Variants in KIF9 observed in about 807,000 individuals in gnomAD.
The protein encoded by KIF9 is kinesin family member 9, also known as kinesin-like protein KIF9.
KIF9 carries 68 observed loss-of-function variants against 94.8 expected under a neutral mutation model. The ratio of observed to expected loss-of-function variants is 0.72; its 90% CI spans 0.59 to 0.88. The LOEUF is 0.88. KIF9 is among the 40% of genes least tolerant of loss of function. KIF9 has a pLI of 0.00. For synonymous variants in KIF9, 343 were observed against 362.1 expected, an observed-to-expected ratio of 0.95 and a Z score of 0.60; for missense variants, 882 against 982.5, an observed-to-expected ratio of 0.90 and a Z score of 1.37.
intron 16 of KIF9, among the ~76,000 whole-genome samples, chr3:47,242,277 G>A (rs2107180698): frequency 6.6e-6 from 1 of 152,242 alleles, no homozygotes; most frequent in Admixed American, 6.5e-5. Flanking sequence ...AAAACCCTTT[G>A]AGAACTCTGG....
chr3:47,279,020 C>T (rs575999750), intron 1 of KIF9, among the ~76,000 whole-genome samples: 5 of 151,724 alleles, frequency 3.3e-5, no homozygotes, highest in African/African-American at 7.2e-5. Context: ...AATTACCAAG[C>T]ATGGTGGTGC....
intron 20 of KIF9, among the ~76,000 whole-genome samples, chr3:47,232,434 G>A (rs979053380): frequency 2.6e-5 from 4 of 151,748 alleles, no homozygotes; most frequent in South Asian, 2.1e-4. Flanking sequence ...ACAGGCATGC[G>A]TCACCACACC....
intron 1 of KIF9, among the ~76,000 whole-genome samples, chr3:47,278,383 A>T (rs879701966): frequency 2.0e-4 from 30 of 152,088 alleles, no homozygotes; most frequent in Non-Finnish European, 4.1e-4. Flanking sequence ...AATATTTTTT[A>T]AAAAATTAAC....
At chr3:47,232,650 C>T (rs1169013916) in intron 20 of KIF9, among the ~76,000 whole-genome samples, 1 of 151,890 alleles carries the variant, frequency 6.6e-6, no homozygotes, top group Admixed American at 6.6e-5. Context: ...ATGGACTAAG[C>T]TTGATTTCTT....
chr3:47,247,939 G>T, intron 11 of KIF9, 79 bp downstream of exon 11: 2 of 1,108,368 alleles, frequency 1.8e-6, no homozygotes, highest in Non-Finnish European at 1.4e-6. Context: ...CCATGATGCT[G>T]TCTGCCCCTA....
intron 9 of KIF9, among the ~76,000 whole-genome samples, chr3:47,262,874 G>C (rs1226207758): frequency 6.6e-6 from 1 of 152,106 alleles, no homozygotes; most frequent in African/African-American, 2.4e-5. Flanking sequence ...TCTAATGATA[G>C]CTTTCCTAAT....
At chr3:47,238,817 T>C (rs1039433629) in intron 17 of KIF9, among the ~76,000 whole-genome samples, 1 of 152,094 alleles carries the variant, frequency 6.6e-6, no homozygotes, top group Non-Finnish European at 1.5e-5. Flanking sequence ...GTGCATCACC[T>C]ACGCCCGGAT....
At chr3:47,264,167 C>G in intron 9 of KIF9, 119 bp downstream of exon 9, 1 of 783,356 alleles carries the variant, frequency 1.3e-6, no homozygotes, top group Non-Finnish European at 2.3e-6. Flanking sequence ...CCCCTGGATC[C>G]TTCCACTCTT....
At chr3:47,270,404 C>A (rs1701571140) in intron 5 of KIF9, among the ~76,000 whole-genome samples, 1 of 151,706 alleles carries the variant, frequency 6.6e-6, no homozygotes, top group African/African-American at 2.4e-5. Context: ...CAGGCACCCG[C>A]CACCACACCC....
intron 4 of KIF9, 52 bp downstream of exon 4, chr3:47,273,500 T>C (rs1176372537): frequency 7.1e-7 from 1 of 1,406,730 alleles, no homozygotes; most frequent in Non-Finnish European, 9.8e-7. Flanking sequence ...GTAACATCTA[T>C]GGCAGAGAGA....
intron 8 of KIF9, among the ~76,000 whole-genome samples, chr3:47,264,829 G>C (rs1478996462): frequency 6.6e-6 from 1 of 152,224 alleles, no homozygotes; most frequent in African/African-American, 2.4e-5. Context: ...GGGAGGGGGA[G>C]GTAATTTGGT....
chr3:47,232,130 C>T (rs920711267), intron 20 of KIF9, among the ~76,000 whole-genome samples: 3 of 152,106 alleles, frequency 2.0e-5, no homozygotes, highest in Non-Finnish European at 4.4e-5. Context: ...TGAGGGAGCT[C>T]GTTAGTTTAT....
chr3:47,255,209 A>C (rs978127179), intron 10 of KIF9, among the ~76,000 whole-genome samples: 2 of 152,210 alleles, frequency 1.3e-5, no homozygotes, highest in Non-Finnish European at 2.9e-5. Flanking sequence ...TGCTCCCCAA[A>C]GTGGTTGTAT....
rs1490955737 is a variant in KIF9 at position 47,243,607 on chromosome 3, G to A, written c.1515-362C>T. ...AGGTCTGAGTCATACAGGCTTCCCC[G>A]GGAAGGACTGGCAGAGCCCCACACA... On this transcript the variant is annotated intron_variant, in intron 15 of 20. Transcript: ENST00000684063. The A allele has an allele frequency of 4.7e-5, 8 of 169,706 alleles. No individual in the cohort carries two copies. In the East Asian group the frequency reaches 1.3e-3, roughly 27 times the overall value. 10.5% of individuals were successfully genotyped at this position (169,706 alleles called of 1,614,324 possible). A position where few individuals can be genotyped will look rare whatever the true frequency, so the allele number is the denominator to read the frequency against.
chr3:47,267,311 C>T (rs778380333), intron 5 of KIF9, 48 bp from the exon 6 acceptor site: 1 of 1,340,710 alleles, frequency 7.5e-7, no homozygotes, highest in South Asian at 1.2e-5. Context: ...ACTAAAACGA[C>T]AAGGCACTTG....
At chr3:47,248,272 G>T in intron 10 of KIF9, 186 bp from the exon 11 acceptor site, 1 of 596,182 alleles carries the variant, frequency 1.7e-6, no homozygotes. Context: ...CCCTAACTGG[G>T]GTGAGTTTAG....
At position 47,236,584 on chromosome 3, in the gene KIF9, C is replaced by T; in HGVS notation, c.1960G>A (p.Glu654Lys). Reference sequence around the variant, plus strand: ...TTGAGGATCAGCAGGAATTCTTCCTCATCGATGATCATCAGCCCCTTGTTT... The same window carrying T: ...TTGAGGATCAGCAGGAATTCTTCCTTATCGATGATCATCAGCCCCTTGTTT... ...YENKGLMIID[E>K]EEFLLILKLK... The change falls in exon 18 of 21, where the codon GAG becomes AAG. Residue 654 changes from glutamate (E) to lysine (K), a missense_variant. Coordinates refer to ENST00000684063, the MANE Select transcript of KIF9 (RefSeq NM_182902.4). The T allele has an allele frequency of 6.2e-7, 1 of 1,613,964 alleles. No individual in the cohort carries two copies. Among genetic ancestry groups the T allele is most frequent in the Non-Finnish European group, 8.5e-7 (1 of 1,180,042 alleles).
intron 16 of KIF9, among the ~76,000 whole-genome samples, chr3:47,242,647 C>T (rs1699651671): frequency 6.6e-6 from 1 of 152,142 alleles, no homozygotes; most frequent in African/African-American, 2.4e-5. Context: ...TTGCATAAAT[C>T]TTGTTTCACA....
Position 47,277,370 on chromosome 3 carries a change from C to T in KIF9, c.5G>A (p.Gly2Asp). 6.2e-7 allele frequency: 1 copy of T among 1,611,074 alleles called. No individual in the cohort carries two copies. The highest frequency in any genetic ancestry group is 8.5e-7 in the Non-Finnish European group (1 of 1,177,646). ...AAATGCATGAACTTTTTTCCTAGTA[C>T]CCATTCTAGCTAAAAAGAAGGGAAC... Reference protein sequence around the residue: MGTRKKVHAFVR... With the variant: MDTRKKVHAFVR... Residue 2 changes from glycine to aspartate, a missense_variant, in exon 2 of 21, where the codon GGT becomes GAT. Transcript: ENST00000684063.
Sources: allele counts gnomAD v4.1 joint callset (sites outside exome capture counted in the v4.1 genomes callset), GRCh38; gene constraint gnomAD v4.1.1; transcripts MANE v1.5; gene names NCBI Gene and HGNC (gene_info 2026-07-23, HGNC 2026-07-21).